Variants in DUSP29 observed in about 807,000 individuals in gnomAD.
DUSP29 encodes dual specificity phosphatase 29.
A neutral mutation model predicts 13.5 loss-of-function variants in DUSP29; 12 were observed. That is an observed-to-expected ratio of 0.89 (90% CI 0.57 to 1.44). The LOEUF is 1.44. Ranked by LOEUF, DUSP29 falls within the 40% of genes most tolerant of loss-of-function variation. The pLI, the probability that DUSP29 is intolerant of heterozygous loss-of-function variation, is 0.00. For missense variants in DUSP29, 308 were observed against 301.1 expected, an observed-to-expected ratio of 1.02 and a Z score of -0.17; for synonymous variants, 134 against 128.7, an observed-to-expected ratio of 1.04 and a Z score of -0.28.
chr10:75,067,033 C>A (rs1017346442), intron 1 of DUSP29, among the ~76,000 whole-genome samples: 5 of 149,222 alleles, frequency 3.4e-5, no homozygotes, highest in Non-Finnish European at 5.9e-5. Context: ...TCTCAGCTCA[C>A]TGCAACCTCT....
intron 2 of DUSP29, among the ~76,000 whole-genome samples, chr10:75,047,927 A>G (rs12219432): frequency 0.065 from 9,899 of 152,194 alleles, 685 homozygotes; most frequent in East Asian, 0.15. Context: ...GTACAATACT[A>G]TATATATAAA....
intron 2 of DUSP29, among the ~76,000 whole-genome samples, chr10:75,053,640 C>G (rs1671822137): frequency 6.6e-6 from 1 of 152,160 alleles, no homozygotes; most frequent in Non-Finnish European, 1.5e-5. Flanking sequence ...CTACCCATCT[C>G]CTCCCTCTCC....
intron 3 of DUSP29, 113 bp downstream of exon 3, chr10:75,043,684 G>T: frequency 1.9e-6 from 2 of 1,033,388 alleles, no homozygotes; most frequent in Non-Finnish European, 2.8e-6. Flanking sequence ...CGGAGCCTAG[G>T]CTAGGGGCGG....
At chr10:75,048,819 T>A (rs960543145) in intron 2 of DUSP29, among the ~76,000 whole-genome samples, 7 of 152,216 alleles carry the variant, frequency 4.6e-5, no homozygotes, top group Non-Finnish European at 8.8e-5. Flanking sequence ...TTCTTGTTAC[T>A]TGAGGGTGAA....
intron 2 of DUSP29, among the ~76,000 whole-genome samples, chr10:75,048,213 A>G (rs1846744077): frequency 6.6e-6 from 1 of 152,200 alleles, no homozygotes; most frequent in Admixed American, 6.5e-5. Context: ...TAAAAATTGC[A>G]GTCCGTATTC....
At chr10:75,072,952 A>G (rs946742613) in intron 1 of DUSP29, among the ~76,000 whole-genome samples, 3 of 151,684 alleles carry the variant, frequency 2.0e-5, no homozygotes, top group Non-Finnish European at 4.4e-5. Flanking sequence ...GGTACAGCCT[A>G]CACTCTTGGT....
chr10:75,069,595 C>T (rs570339101), intron 1 of DUSP29, among the ~76,000 whole-genome samples: 6 of 152,208 alleles, frequency 3.9e-5, no homozygotes, highest in Admixed American at 6.5e-5. Flanking sequence ...ACACAGAGGA[C>T]GCTCTGGGCC....
chr10:75,065,464 C>T (rs952618227), intron 1 of DUSP29, among the ~76,000 whole-genome samples: 2 of 151,658 alleles, frequency 1.3e-5, no homozygotes, highest in Non-Finnish European at 2.9e-5. Context: ...GAGTAGCTGA[C>T]ACTACAGGCA....
intron 1 of DUSP29, among the ~76,000 whole-genome samples, chr10:75,070,903 T>C (rs2134310527): frequency 1.3e-5 from 2 of 152,288 alleles, no homozygotes; most frequent in Middle Eastern, 6.8e-3. Flanking sequence ...GAAGAGGAGA[T>C]TAAAACACCA....
intron 1 of DUSP29, among the ~76,000 whole-genome samples, chr10:75,064,571 C>T (rs981415938): frequency 6.6e-6 from 1 of 151,986 alleles, no homozygotes; most frequent in Non-Finnish European, 1.5e-5. Context: ...GTTGCCCAAA[C>T]GGGTCTTGAA....
chr10:75,049,712 G>A (rs572463842), intron 2 of DUSP29, among the ~76,000 whole-genome samples: 49 of 152,346 alleles, frequency 3.2e-4, no homozygotes, highest in African/African-American at 1.0e-3. Flanking sequence ...GCCTTAAGGC[G>A]GAATTAGTTC....
intron 1 of DUSP29, among the ~76,000 whole-genome samples, chr10:75,069,281 A>G (rs893933017): frequency 5.3e-5 from 8 of 152,106 alleles, no homozygotes; most frequent in South Asian, 4.1e-4. Flanking sequence ...GCCGGCCGGG[A>G]TGGACTTTCT....
At chr10:75,071,797 C>T (rs371646786) in intron 1 of DUSP29, among the ~76,000 whole-genome samples, 3 of 152,238 alleles carry the variant, frequency 2.0e-5, no homozygotes, top group African/African-American at 7.2e-5. Flanking sequence ...TTTTCCAAGA[C>T]CACCCTGGCC....
intron 2 of DUSP29, among the ~76,000 whole-genome samples, chr10:75,052,645 T>A (rs367839279): frequency 6.7e-6 from 1 of 149,974 alleles, no homozygotes; most frequent in African/African-American, 2.5e-5. Flanking sequence ...AGAGGCGGGG[T>A]TTTGCCATGT....
intron 2 of DUSP29, among the ~76,000 whole-genome samples, chr10:75,050,081 G>A (rs73278128): frequency 0.079 from 12,077 of 152,264 alleles, 650 homozygotes; most frequent in South Asian, 0.26. Context: ...GGAGAGGGAA[G>A]AGAGATTTCT....
intron 1 of DUSP29, among the ~76,000 whole-genome samples, chr10:75,069,482 G>A (rs935665436): frequency 5.3e-5 from 8 of 152,142 alleles, no homozygotes; most frequent in Admixed American, 6.6e-5. Context: ...TTCCTTGTTC[G>A]GGGAAGGGCA....
chr10:75,057,676 G>A (rs970171161), intron 2 of DUSP29, among the ~76,000 whole-genome samples: 1 of 152,170 alleles, frequency 6.6e-6, no homozygotes, highest in African/African-American at 2.4e-5. Flanking sequence ...CATCTCAGTT[G>A]TGTAGGGAGT....
At chr10:75,073,354 TG>T (rs1847376051) in intron 1 of DUSP29, among the ~76,000 whole-genome samples, 2 of 152,240 alleles carry the variant, frequency 1.3e-5, no homozygotes, top group South Asian at 4.1e-4. Flanking sequence ...GTCGTTGAAC[TG>T]GAAGTTCAGA....
intron 2 of DUSP29, 119 bp downstream of exon 2, chr10:75,058,196 A>G (rs541868753): frequency 1.7e-6 from 2 of 1,208,216 alleles, no homozygotes; most frequent in Non-Finnish European, 2.3e-6. Flanking sequence ...AGCCCTAACT[A>G]ATTGAGTTCT....
Sources: gnomAD v4.1 joint callset for allele counts (sites outside exome capture counted in the v4.1 genomes callset) on GRCh38, gnomAD v4.1.1 for gene constraint, MANE v1.5 for transcripts, NCBI Gene and HGNC (gene_info 2026-07-23, HGNC 2026-07-21) for gene names.